The following SULT1E1 variants were observed in gnomAD, a reference collection of about 807,000 sequenced individuals.
SULT1E1 encodes sulfotransferase 1E1.
A neutral mutation model predicts 33.6 loss-of-function variants in SULT1E1; 36 were observed. The observed-to-expected ratio is 1.07, with a 90% CI of 0.82 to 1.41. The LOEUF (loss-of-function observed/expected upper bound fraction) is 1.41. Ranked by LOEUF, SULT1E1 falls within the 40% of genes most tolerant of loss-of-function variation. The probability of loss-of-function intolerance (pLI) is 0.00; values close to 1 mark genes in which losing one functional copy is unlikely to be tolerated. For synonymous variants in SULT1E1, 121 were observed against 111.7 expected, an observed-to-expected ratio of 1.08 and a Z score of -0.53; for missense variants, 371 against 345.7, an observed-to-expected ratio of 1.07 and a Z score of -0.58.
At chr4:69,824,126 C>A in the SULT1E1 span, among the ~76,000 whole-genome samples, 3 of 152,152 alleles carry the variant, frequency 2.0e-5, no homozygotes, top group African/African-American at 4.8e-5. Flanking sequence ...AATGGTACCC[C>A]CTTTGGTCCA....
intron 5 of SULT1E1, chr4:69,849,012 T>C (rs1422888996): frequency 6.5e-6 from 1 of 152,816 alleles, no homozygotes; most frequent in Admixed American, 6.5e-5. Flanking sequence ...CATATTCATA[T>C]AGAACCTGGC....
At position 69,854,121 on chromosome 4, in the gene SULT1E1, A is replaced by G. The variant is rs1721181828; in HGVS notation, c.369+96T>C. The G allele has an allele frequency of 6.5e-6, 5 of 764,724 alleles. No individual in the cohort carries two copies. The South Asian group carries it at 1.1e-4, about 17-fold the overall frequency. 47.4% of individuals were successfully genotyped at this position (764,724 alleles called of 1,614,324 possible). A position where few individuals can be genotyped will look rare whatever the true frequency, so the allele number is the denominator to read the frequency against. On this transcript the variant is annotated intron_variant, in intron 4 of 7. Transcript: ENST00000226444. ...CATTTGTTAAGTGTCTATAGATTCA[A>G]TGAAAGAATAAATAAACAAGTGTGT...
chr4:69,852,691 T>A (rs1721151407), intron 4 of SULT1E1, among the ~76,000 whole-genome samples: 1 of 152,198 alleles, frequency 6.6e-6, no homozygotes, highest in South Asian at 2.1e-4. Flanking sequence ...TATCTATTTG[T>A]TTTATTTTGT....
chr4:69,849,922 T>C (rs1198747742), intron 4 of SULT1E1, among the ~76,000 whole-genome samples: 1 of 151,992 alleles, frequency 6.6e-6, no homozygotes, highest in Non-Finnish European at 1.5e-5. Context: ...AGTGATAATA[T>C]AGCATTGAGA....
chr4:69,856,021 G>A (rs1721228570), intron 2 of SULT1E1, among the ~76,000 whole-genome samples: 1 of 152,146 alleles, frequency 6.6e-6, no homozygotes, highest in South Asian at 2.1e-4. Flanking sequence ...ATGACATTTT[G>A]ACAAGAAATG....
chr4:69,857,685 T>G (rs750640560), intron 1 of SULT1E1, 32 bp from the exon 2 acceptor site: 21 of 1,539,326 alleles, frequency 1.4e-5, no homozygotes, highest in Non-Finnish European at 1.5e-5. Flanking sequence ...ATACTTTGTA[T>G]GTACTTAACA....
chr4:69,822,008 T>C, the SULT1E1 span, among the ~76,000 whole-genome samples: 30 of 152,202 alleles, frequency 2.0e-4, no homozygotes, highest in African/African-American at 7.0e-4. Context: ...ACTATCCAGA[T>C]TGAATAACTT....
intron 6 of SULT1E1, among the ~76,000 whole-genome samples, chr4:69,845,278 T>A (rs1027180756): frequency 1.3e-5 from 2 of 151,884 alleles, no homozygotes; most frequent in Non-Finnish European, 2.9e-5. Context: ...TTTAAAATAA[T>A]TAAAAACTAT....
intron 3 of SULT1E1, 45 bp downstream of exon 3, chr4:69,855,256 C>T (rs1721211244): frequency 6.3e-7 from 1 of 1,582,350 alleles, no homozygotes; most frequent in Non-Finnish European, 8.6e-7. Context: ...ACATACACAC[C>T]TTAGAATATA....
chr4:69,834,808 G>A, the SULT1E1 span, among the ~76,000 whole-genome samples: 24 of 152,138 alleles, frequency 1.6e-4, no homozygotes, highest in East Asian at 5.8e-4. Flanking sequence ...TAAAATTTAC[G>A]TAAATTTCCC....
intron 6 of SULT1E1, among the ~76,000 whole-genome samples, 179 bp downstream of exon 6, chr4:69,847,519 T>A (rs1357786114): frequency 6.6e-6 from 1 of 151,850 alleles, no homozygotes; most frequent in Non-Finnish European, 1.5e-5. Flanking sequence ...TTCAGAATAT[T>A]TTTATTTGCT....
At chr4:69,822,540 T>A in the SULT1E1 span, among the ~76,000 whole-genome samples, 1 of 152,144 alleles carries the variant, frequency 6.6e-6, no homozygotes, top group Non-Finnish European at 1.5e-5. Flanking sequence ...CATTTGAGCG[T>A]AGAAGTTTCA....
chr4:69,860,081 T>G lies in SULT1E1; in HGVS notation c.-42A>C, dbSNP rs1349324022. 2.6e-5 allele frequency: 4 copies of G among 152,252 alleles called. No homozygotes were observed. The highest frequency in any genetic ancestry group is 3.9e-4 in the East Asian group (2 of 5,188). 9.4% of individuals were successfully genotyped at this position (152,252 alleles called of 1,614,324 possible). A position where few individuals can be genotyped will look rare whatever the true frequency, so the allele number is the denominator to read the frequency against. On this transcript the variant is annotated 5_prime_UTR_variant, in exon 1 of 8. Transcript: ENST00000226444. ...GTTGATCCTGTGAAAGAAATTGATC[T>G]AGTTTATATCTCTTCAAATACCAAG...
rs571789950 is a variant in SULT1E1 at position 69,848,306 on chromosome 4, G to T, written c.497-514C>A. On this transcript the variant is annotated intron_variant, in intron 5 of 7. Transcript: ENST00000226444. ...AGGAATGTTCTCGTAGGTACCCTTA[G>T]TGTCATTCTCACTCCAGGAAATTAG... Among the ~76,000 whole-genome samples, 319 of 151,848 alleles carry T rather than the reference G, an allele frequency of 2.1e-3. 1 individual carries two copies. The highest frequency in any genetic ancestry group is 0.017 in the Middle Eastern group (5 of 294).
chr4:69,833,588 A>G, the SULT1E1 span, among the ~76,000 whole-genome samples: 1,344 of 152,344 alleles, frequency 8.8e-3, 8 homozygotes, highest in South Asian at 0.015. Context: ...TTGCCAACAA[A>G]TAAAGGGACA....
the SULT1E1 span, among the ~76,000 whole-genome samples, chr4:69,828,752 G>C: frequency 9.9e-5 from 15 of 152,278 alleles, no homozygotes; most frequent in African/African-American, 3.6e-4. Flanking sequence ...TTTTCCCTTG[G>C]CTTATATAGA....
In SULT1E1 at chr4:69,841,671, T is replaced by C. The variant is rs1720887805; in HGVS notation, c.*323A>G. On this transcript the variant is annotated 3_prime_UTR_variant, in exon 8 of 8. Transcript: ENST00000226444. ...GGACAATATAATAAGACCTCATCTC[T>C]ACAAAAAAACATTAAAAAAATTAGC... 8 of 182,458 alleles carry C rather than the reference T, an allele frequency of 4.4e-5. No homozygotes were observed. In the South Asian group the frequency reaches 9.2e-4, roughly 21 times the overall value. The allele number at this position is 182,458 out of a possible 1,614,324, so 11.3% of individuals were successfully genotyped here.
chr4:69,854,386 T>G, intron 3 of SULT1E1, 72 bp from the exon 4 acceptor site: 1 of 909,894 alleles, frequency 1.1e-6, no homozygotes, highest in Non-Finnish European at 1.7e-6. Flanking sequence ...ATATAGATAT[T>G]TGTAAAATAG....
At chr4:69,836,598 G>C (rs981833987), downstream of SULT1E1, among the ~76,000 whole-genome samples, 3 of 152,072 alleles carry the variant, frequency 2.0e-5, no homozygotes, top group Non-Finnish European at 2.9e-5. Context: ...AAAGAGATTG[G>C]TTAGATCATT....
Sources: gnomAD v4.1 joint callset for allele counts (sites outside exome capture counted in the v4.1 genomes callset) on GRCh38, gnomAD v4.1.1 for gene constraint, MANE v1.5 for transcripts, NCBI Gene and HGNC (gene_info 2026-07-23, HGNC 2026-07-21) for gene names.